PCGF2: variants seen among roughly 807,000 people sequenced by gnomAD.
PCGF2 encodes polycomb group ring finger 2.
In PCGF2, 8 loss-of-function variants were observed where a neutral mutation model predicts 36.1. The ratio of observed to expected loss-of-function variants is 0.22; its 90% CI spans 0.13 to 0.40. The LOEUF is 0.40. PCGF2 is among the 10% of genes least tolerant of loss of function. The pLI is 1.00. For synonymous variants in PCGF2, 198 were observed against 191.2 expected (o/e 1.04, Z -0.29); for missense variants, 436 against 475.9 (o/e 0.92, Z 0.78).
intron 9 of PCGF2, among the ~76,000 whole-genome samples, chr17:38,737,022 T>G (rs528219948): frequency 6.6e-6 from 1 of 151,964 alleles, no homozygotes; most frequent in East Asian, 1.9e-4. Context: ...TCCCAGCTAC[T>G]CGGGAGGCTA....
At chr17:38,744,985 C>T (rs990961369) in intron 2 of PCGF2, among the ~76,000 whole-genome samples, 3 of 152,134 alleles carry the variant, frequency 2.0e-5, no homozygotes, top group Admixed American at 6.5e-5. Context: ...GAGGCCAAGG[C>T]GGATGGATCA....
intron 9 of PCGF2, among the ~76,000 whole-genome samples, chr17:38,737,190 C>CCT (rs1567939671): frequency 1.3e-5 from 2 of 152,134 alleles, no homozygotes; most frequent in African/African-American, 4.8e-5. Flanking sequence ...TGGCTAGGTG[C>CCT]GGTGGCTCAC....
upstream of PCGF2, among the ~76,000 whole-genome samples, chr17:38,748,546 C>A (rs1167828479): frequency 6.6e-6 from 1 of 152,146 alleles, no homozygotes; most frequent in Admixed American, 6.5e-5. Flanking sequence ...CACCGGCTGC[C>A]GGGTCCCTAG....
intron 2 of PCGF2, among the ~76,000 whole-genome samples, chr17:38,747,402 C>T (rs1469558949): frequency 6.6e-6 from 1 of 152,196 alleles, no homozygotes; most frequent in Non-Finnish European, 1.5e-5. Context: ...TTCCCTCCAT[C>T]CCCATTCTAC....
In PCGF2 at chr17:38,740,426, G is replaced by GC; in HGVS notation, c.-25_-24insG. On this transcript the variant is annotated 5_prime_UTR_variant, in exon 3 of 11. Transcript: ENST00000620225. ...ATGATTCCGGGGTCGGGGGTGGGGG[G>GC]ACTGGGGAGCGTTGCCCTGGGAAAC... is the stretch of plus-strand genomic sequence containing the variant. 8 of 677,218 alleles carry GC rather than the reference G, an allele frequency of 1.2e-5. No individual in the cohort carries two copies. The highest frequency in any genetic ancestry group is 1.8e-5 in the Non-Finnish European group (7 of 394,310). 42.0% of individuals were successfully genotyped at this position (677,218 alleles called of 1,614,324 possible). A position where few individuals can be genotyped will look rare whatever the true frequency, so the allele number is the denominator to read the frequency against.
At chr17:38,749,489 G>T, upstream of PCGF2, 1 of 396,234 alleles carries the variant, frequency 2.5e-6, no homozygotes, top group South Asian at 1.7e-5. This position sits in a 1 kb window ranked among gnomAD's most constrained non-coding sequence, Gnocchi z 6.5. Context: ...GTTACTGGAC[G>T]CCCGTGGGCC....
At position 38,740,370 on chromosome 17, in the gene PCGF2, C is replaced by T. The variant is rs953797030; in HGVS notation, c.33G>A (p.Glu11=). 21 of 1,596,344 alleles carry T rather than the reference C, an allele frequency of 1.3e-5. No homozygotes were observed. Among genetic ancestry groups the T allele is most frequent in the Non-Finnish European group, 1.7e-5 (20 of 1,167,694 alleles). Residue 11 remains glutamate (E), a synonymous_variant, in exon 3 of 11, where the codon GAG becomes GAA. Transcript: ENST00000620225. MHRTTRIKIT[E]LNPHLMCALC... ...GGGCACACATGAGGTGGGGGTTCAG[C>T]TCTGTGATTTTGATCCGTGTAGTCC... is the stretch of plus-strand genomic sequence containing the variant.
At position 38,739,654 on chromosome 17, in the gene PCGF2, C is replaced by T; in HGVS notation, c.141G>A (p.Leu47=). The T allele has an allele frequency of 1.9e-6, 3 of 1,614,066 alleles. No homozygotes were observed. Among genetic ancestry groups the T allele is most frequent in the Non-Finnish European group, 2.5e-6 (3 of 1,179,968 alleles). ...ACATGGGGCAGTATTTGTTGGTCTC[C>T]AGGTAGCGCACGATGCAGGTTTTGC... The part of the protein sequence containing the change: ...SFCKTCIVRY[L]ETNKYCPMCD... Residue 47 remains leucine (L), a synonymous_variant, in exon 4 of 11, where the codon CTG becomes CTA. Coordinates refer to ENST00000620225, the MANE Select transcript of PCGF2 (RefSeq NM_007144.3). The surrounding 1 kb of genome is among the most constrained non-coding windows in gnomAD (Gnocchi z 4.0).
chr17:38,740,317 G>A lies in PCGF2; in HGVS notation c.86C>T (p.Thr29Ile), dbSNP rs767571747. ...ALCGGYFIDA[T>I]TIVECLHSFC... ...GGAATGCAGGCACTCCACGATAGTGGTGGCGTCGATGAAGTACCCCCCGCA... is the reference window on the plus strand; with the variant it reads ...GGAATGCAGGCACTCCACGATAGTGATGGCGTCGATGAAGTACCCCCCGCA... Residue 29 changes from threonine to isoleucine, a missense_variant, in exon 3 of 11, where the codon ACC becomes ATC. Thr to Ile is a moderately conservative substitution (Grantham distance 89). Around this residue, in one of 3 missense-constraint regions of PCGF2, gnomAD observed 189 missense variants for 219.3 expected, o/e 0.86. Transcript: ENST00000620225. 22 of 1,613,312 alleles carry A rather than the reference G, an allele frequency of 1.4e-5. No homozygotes were observed. The highest frequency in any genetic ancestry group is 2.7e-5 in the African/African-American group (2 of 74,848).
rs762525111 is a variant in PCGF2 at position 38,739,169 on chromosome 17, T to C, written c.265+29A>G. 4 of 1,613,598 alleles carry C rather than the reference T, an allele frequency of 2.5e-6. No individual in the cohort carries two copies. In the African/African-American group the frequency reaches 5.3e-5, roughly 22 times the overall value. Reference sequence around the variant, plus strand: ...CAGGGCCATGGGTTGGGAAATGGGGTCAGTGGAGGAGGAATGGAGTGCAGA... The same window carrying C: ...CAGGGCCATGGGTTGGGAAATGGGGCCAGTGGAGGAGGAATGGAGTGCAGA... On this transcript the variant is annotated intron_variant, in intron 5 of 10. Coordinates refer to ENST00000620225, the MANE Select transcript of PCGF2 (RefSeq NM_007144.3). The surrounding 1 kb of genome is among the most constrained non-coding windows in gnomAD (Gnocchi z 4.0).
At chr17:38,738,505 C>A (rs756261447) in intron 8 of PCGF2, 36 bp downstream of exon 8, 4 of 1,612,368 alleles carry the variant, frequency 2.5e-6, no homozygotes, top group Non-Finnish European at 3.4e-6. Flanking sequence ...TCCCTCCCAG[C>A]CCACATTCCA....
chr17:38,741,869 C>T (rs2143121294), intron 2 of PCGF2, among the ~76,000 whole-genome samples: 1 of 152,296 alleles, frequency 6.6e-6, no homozygotes, highest in South Asian at 2.1e-4. Context: ...CATGAGTGCT[C>T]CCTGTCCACA....
intron 2 of PCGF2, among the ~76,000 whole-genome samples, chr17:38,741,789 G>A (rs1907217410): frequency 6.6e-6 from 1 of 152,186 alleles, no homozygotes; most frequent in African/African-American, 2.4e-5. Flanking sequence ...TGGACTCAAA[G>A]AGTTTAGGCA....
chr17:38,736,605 C>T (rs539001024), intron 9 of PCGF2, among the ~76,000 whole-genome samples: 195 of 151,312 alleles, frequency 1.3e-3, no homozygotes, highest in African/African-American at 3.5e-3. Context: ...GAGGCCAAGG[C>T]GGGCGGATCA....
rs1385817231 is a variant in PCGF2 at position 38,734,949 on chromosome 17, C to G, written c.*274G>C. The G allele has an allele frequency of 3.4e-6, 1 of 290,970 alleles. No homozygotes were observed. Among genetic ancestry groups the G allele is most frequent in the Non-Finnish European group, 6.3e-6 (1 of 159,824 alleles). The allele number at this position is 290,970 out of a possible 1,614,324, so 18.0% of individuals were successfully genotyped here. A position where few individuals can be genotyped will look rare whatever the true frequency, so the allele number is the denominator to read the frequency against. ...CAAAAACAGCAAATTACACAAGACCCCCCCCAAAAAAAATGAACACCATTT... is the reference window on the plus strand; with the variant it reads ...CAAAAACAGCAAATTACACAAGACCGCCCCCAAAAAAAATGAACACCATTT... On this transcript the variant is annotated 3_prime_UTR_variant, in exon 11 of 11. Transcript: ENST00000620225.
At chr17:38,744,124 C>T (rs574137465) in intron 2 of PCGF2, among the ~76,000 whole-genome samples, 1 of 152,252 alleles carries the variant, frequency 6.6e-6, no homozygotes, top group South Asian at 2.1e-4. Flanking sequence ...AGAAGCCAAG[C>T]CCTTCAGTGT....
In PCGF2 at chr17:38,739,288, C is replaced by T; in HGVS notation, c.210-35G>A. 1 of 1,597,920 alleles carries T rather than the reference C, an allele frequency of 6.3e-7. No homozygotes were observed. Among genetic ancestry groups the T allele is most frequent in the Non-Finnish European group, 8.6e-7 (1 of 1,165,768 alleles). On this transcript the variant is annotated intron_variant, in intron 4 of 10. Coordinates refer to ENST00000620225, the MANE Select transcript of PCGF2 (RefSeq NM_007144.3). This position sits in a 1 kb window ranked among gnomAD's most constrained non-coding sequence, Gnocchi z 4.0. ...AATGGACAGGGCTTATCAGCAATGC[C>T]TTCTCCAGAGCGCTCCGACCTCGCC...
chr17:38,736,029 C>T (rs1482398140), intron 10 of PCGF2, 61 bp downstream of exon 10: 8 of 1,154,400 alleles, frequency 6.9e-6, no homozygotes, highest in Non-Finnish European at 1.0e-5. Flanking sequence ...CCCATGTGGC[C>T]ACAGACCTAT....
Position 38,738,804 on chromosome 17 carries a change from A to C in PCGF2, c.374T>G (p.Leu125Arg). The C allele has an allele frequency of 6.2e-7, 1 of 1,614,116 alleles. No homozygotes were observed. ...GEVLEQEKGALSDDEIVSLSI... is the reference protein window; with the variant it reads ...GEVLEQEKGARSDDEIVSLSI... ...GAGGCTGACAATCTCATCATCACTC[A>C]GAGCCCCCTTCTCCTGCTCCAAGAC... The change falls in exon 7 of 11, where the codon CTG (leucine) becomes CGG (arginine). Residue 125 changes from leucine (L) to arginine (R), a missense_variant. Leu to Arg is a moderately radical substitution (Grantham distance 102). Transcript: ENST00000620225.
Sources: allele counts gnomAD v4.1 joint callset (sites outside exome capture counted in the v4.1 genomes callset), GRCh38; gene constraint gnomAD v4.1.1; regional missense constraint gnomAD v4.1.1; non-coding constraint Gnocchi (gnomAD v3.1); transcripts MANE v1.5; gene names NCBI Gene and HGNC (gene_info 2026-07-23, HGNC 2026-07-21).